Variants in DIAPH2 observed in about 807,000 individuals in gnomAD.
DIAPH2 encodes the protein diaphanous related formin 2, also known as protein diaphanous homolog 2.
DIAPH2 carries 35 observed loss-of-function variants against 92.7 expected under a neutral mutation model. The ratio of observed to expected loss-of-function variants is 0.38; its 90% CI spans 0.29 to 0.50. DIAPH2 has a LOEUF of 0.50. Among genes scored for constraint, DIAPH2 ranks in the 20% least tolerant of loss-of-function variants. The probability of loss-of-function intolerance (pLI) is 0.94; values close to 1 mark genes in which losing one functional copy is unlikely to be tolerated. For synonymous variants in DIAPH2, 301 were observed against 280.4 expected (o/e 1.07, Z -0.73); for missense variants, 701 against 819.5 (o/e 0.86, Z 1.77).
chrX:97,031,041 G>T (rs1030124647), intron 17 of DIAPH2, among the ~76,000 whole-genome samples: 1 of 111,515 alleles, frequency 9.0e-6, no homozygotes, highest in African/African-American at 3.3e-5. Context: ...TACAATATCT[G>T]TCCAGCTCAT....
chrX:97,535,978 C>G (rs980647508), intron 26 of DIAPH2, among the ~76,000 whole-genome samples: 1 of 111,668 alleles, frequency 9.0e-6, no homozygotes, highest in Non-Finnish European at 1.9e-5. Flanking sequence ...AGTCTTCATT[C>G]CAACCTTTTA....
At chrX:97,017,065 G>A (rs1318503322) in intron 17 of DIAPH2, among the ~76,000 whole-genome samples, 1 of 111,373 alleles carries the variant, frequency 9.0e-6, no homozygotes, top group African/African-American at 3.3e-5. Context: ...ACCTTCCTTG[G>A]AGCTGCCTGA....
chrX:97,257,471 A>T (rs1460285915), intron 23 of DIAPH2, among the ~76,000 whole-genome samples: 5 of 111,604 alleles, frequency 4.5e-5, no homozygotes, highest in African/African-American at 1.6e-4. Context: ...TCTTTATCGT[A>T]TCGAAAGCAA....
At chrX:97,588,172 C>T (rs751253320) in intron 26 of DIAPH2, among the ~76,000 whole-genome samples, 7 of 111,998 alleles carry the variant, frequency 6.3e-5, no homozygotes, top group Non-Finnish European at 1.3e-4. Flanking sequence ...CCCCATCTTA[C>T]GAATAAGGAA....
intron 12 of DIAPH2, among the ~76,000 whole-genome samples, chrX:96,941,740 A>G (rs756180300): frequency 9.1e-6 from 1 of 110,271 alleles, no homozygotes; most frequent in South Asian, 3.9e-4. Flanking sequence ...TAAATAGAAA[A>G]GGTTGATAAG....
chrX:96,999,591 T>C (rs1345583256), intron 17 of DIAPH2, among the ~76,000 whole-genome samples: 1 of 110,513 alleles, frequency 9.0e-6, no homozygotes. Context: ...CTTAAGTGTG[T>C]CTATGTATTT....
chrX:97,060,598 C>T (rs2066590575), intron 17 of DIAPH2, among the ~76,000 whole-genome samples: 2 of 111,679 alleles, frequency 1.8e-5, no homozygotes, highest in Non-Finnish European at 3.8e-5. Context: ...AGTGTTTAAT[C>T]TTAAACATTG....
intron 1 of DIAPH2, among the ~76,000 whole-genome samples, chrX:96,693,392 T>C (rs1174760678): frequency 8.9e-6 from 1 of 112,467 alleles, no homozygotes; most frequent in Admixed American, 9.4e-5. Context: ...TGGTGTTTTA[T>C]GTGCTCTGAA....
chrX:97,248,532 T>TA (rs2068160784), intron 23 of DIAPH2, among the ~76,000 whole-genome samples: 1 of 111,624 alleles, frequency 9.0e-6, no homozygotes, highest in African/African-American at 3.3e-5. Context: ...TGTCTAAAGA[T>TA]AAACTACATT....
chrX:97,291,407 T>C (rs2068589511), intron 23 of DIAPH2, among the ~76,000 whole-genome samples: 1 of 111,379 alleles, frequency 9.0e-6, no homozygotes, highest in Admixed American at 9.6e-5. Flanking sequence ...CTCAAAAAAA[T>C]AAAAATAAAT....
chrX:96,940,221 A>C (rs1326416678), intron 12 of DIAPH2, among the ~76,000 whole-genome samples: 1 of 112,026 alleles, frequency 8.9e-6, no homozygotes, highest in African/African-American at 3.2e-5. Flanking sequence ...TACAGTATTT[A>C]TCTACTAATA....
intron 4 of DIAPH2, among the ~76,000 whole-genome samples, chrX:96,771,471 G>T (rs187390360): frequency 3.6e-5 from 4 of 111,150 alleles, no homozygotes; most frequent in African/African-American, 1.3e-4. Flanking sequence ...GTACTGGATT[G>T]GTTTATTTTA....
chrX:97,600,453 T>C lies in DIAPH2; in HGVS notation c.*1136T>C, dbSNP rs1350739611. 1 of 111,457 alleles carries C rather than the reference T, an allele frequency of 9.0e-6. No homozygotes were observed. The highest frequency in any genetic ancestry group is 3.2e-5 in the African/African-American group (1 of 30,912). The allele number at this position is 111,457 out of a possible 1,213,427, so 9.2% of individuals were successfully genotyped here. On this transcript the variant is annotated 3_prime_UTR_variant, in exon 27 of 27. Coordinates refer to ENST00000324765, the MANE Select transcript of DIAPH2 (RefSeq NM_006729.5). The stretch of plus-strand genomic sequence containing the variant: ...ATGTGTATATATTTCTATCTCTTGC[T>C]ACAATAATTCCAACTAAGTGAACTT...
At chrX:97,552,195 A>T (rs955207064) in intron 26 of DIAPH2, among the ~76,000 whole-genome samples, 2 of 112,028 alleles carry the variant, frequency 1.8e-5, no homozygotes, top group South Asian at 7.4e-4. Flanking sequence ...AGGGGAAAAA[A>T]GTTCCCTTCA....
intron 26 of DIAPH2, among the ~76,000 whole-genome samples, chrX:97,579,339 G>C (rs1407613258): frequency 9.2e-6 from 1 of 108,158 alleles, no homozygotes; most frequent in Non-Finnish European, 1.9e-5. Flanking sequence ...ATCTTGAATT[G>C]ATTTTTGTAT....
chrX:97,351,659 C>T (rs969162894), intron 24 of DIAPH2, among the ~76,000 whole-genome samples: 8 of 110,798 alleles, frequency 7.2e-5, no homozygotes, highest in Middle Eastern at 9.3e-3. Flanking sequence ...AAAAATTAGC[C>T]GGGCGTGGTG....
chrX:96,793,508 G>A (rs887804844), intron 4 of DIAPH2: 18 of 316,757 alleles, frequency 5.7e-5, no homozygotes, highest in African/African-American at 4.8e-4. Context: ...AACTTATTAA[G>A]TAGGGGCCTT....
intron 4 of DIAPH2, among the ~76,000 whole-genome samples, chrX:96,768,222 A>G (rs1424783180): frequency 8.9e-6 from 1 of 112,364 alleles, no homozygotes; most frequent in Non-Finnish European, 1.9e-5. Context: ...TAGTTGGAAA[A>G]TAGCAAACAT....
chrX:97,413,936 C>T (rs1405126092), intron 25 of DIAPH2, among the ~76,000 whole-genome samples: 2 of 111,896 alleles, frequency 1.8e-5, no homozygotes, highest in Non-Finnish European at 3.8e-5. Context: ...ATTCCATGCT[C>T]ATGGATAGGA....
Sources: allele counts gnomAD v4.1 joint callset (sites outside exome capture counted in the v4.1 genomes callset), GRCh38; gene constraint gnomAD v4.1.1; transcripts MANE v1.5; gene names NCBI Gene and HGNC (gene_info 2026-07-23, HGNC 2026-07-21).